Variants in PRPF40B observed in about 807,000 individuals in gnomAD.
PRPF40B encodes pre-mRNA-processing factor 40 homolog B.
PRPF40B carries 56 observed loss-of-function variants against 124.5 expected under a neutral mutation model. The observed-to-expected ratio is 0.45, with a 90% CI of 0.36 to 0.56. The LOEUF (loss-of-function observed/expected upper bound fraction) is 0.56. PRPF40B is among the 20% of genes least tolerant of loss of function. The pLI is 0.00. For missense variants in PRPF40B, 1,053 were observed against 1,169.5 expected (o/e 0.90, Z 1.45); for synonymous variants, 443 against 426.4 (o/e 1.04, Z -0.48).
intron 16 of PRPF40B, 175 bp from the exon 17 acceptor site, chr12:49,637,294 CT>C (rs1274315464): frequency 5.0e-6 from 3 of 604,424 alleles, no homozygotes; most frequent in Non-Finnish European, 8.9e-6. Context: ...TACTTTCTCT[CT>C]TTTTGCATTG....
chr12:49,632,017 T>G lies in PRPF40B; in HGVS notation c.294+92T>G. ...AGGACTATGACCTCCATTCTTTCCC[T>G]CTTCTCATCGCATCCACCCAGGTCC... is the stretch of plus-strand genomic sequence containing the variant. On this transcript the variant is annotated intron_variant, in intron 4 of 25. Transcript: ENST00000548825. 1.4e-5 allele frequency: 18 copies of G among 1,294,148 alleles called. No homozygotes were observed. In the South Asian group the frequency reaches 2.1e-4, roughly 15 times the overall value. 80.2% of individuals were successfully genotyped at this position (1,294,148 alleles called of 1,614,324 possible).
Position 49,643,383 on chromosome 12 carries a change from ATCT to A in PRPF40B, c.2371_2373del (p.Leu791del), listed in dbSNP as rs1022807456. 1 of 1,565,786 alleles carries A rather than the reference ATCT, an allele frequency of 6.4e-7. No homozygotes were observed. The highest frequency in any genetic ancestry group is 1.4e-5 in the African/African-American group (1 of 73,164). ...GGAGGACGGGGCTCCCCTTCCTCCC[ATCT>A]TCTTGGAGCAGGTAAGCAGTTGCTG... On this transcript the variant is annotated inframe_deletion, in exon 23 of 26. Coordinates refer to ENST00000548825, the MANE Select transcript of PRPF40B (RefSeq NM_001031698.3).
intron 12 of PRPF40B, chr12:49,634,810 T>A (rs1334209223): frequency 1.5e-6 from 1 of 647,522 alleles, no homozygotes; most frequent in Non-Finnish European, 2.6e-6. Flanking sequence ...AATAAATGCT[T>A]CCTGAATTGA....
At position 49,644,396 on chromosome 12, in the gene PRPF40B, T is replaced by C. The variant is rs544813345; in HGVS notation, c.*204T>C. 2.3e-5 allele frequency: 14 copies of C among 605,434 alleles called. No individual in the cohort carries two copies. The African/African-American group carries it at 2.4e-4, about 10-fold the overall frequency. 37.5% of individuals were successfully genotyped at this position (605,434 alleles called of 1,614,324 possible). On this transcript the variant is annotated 3_prime_UTR_variant, in exon 26 of 26. Coordinates refer to ENST00000548825, the MANE Select transcript of PRPF40B (RefSeq NM_001031698.3). ...CTACTCCCTGGACTAGTGCAGTCCT[T>C]GCCCTCAGCCCCAGACCAGAGATGG...
chr12:49,632,996 G>GGGGGGGGGCCCCC lies in PRPF40B; in HGVS notation c.349-18_349-17insGGGGGGGGCCCCC. 6 of 1,147,386 alleles carry GGGGGGGGGCCCCC rather than the reference G, an allele frequency of 5.2e-6. No homozygotes were observed. The highest frequency in any genetic ancestry group is 1.7e-5 in the African/African-American group (1 of 57,782). 71.1% of individuals were successfully genotyped at this position (1,147,386 alleles called of 1,614,324 possible). A position where few individuals can be genotyped will look rare whatever the true frequency, so the allele number is the denominator to read the frequency against. ...AAAGGGGCCTTGACCACCATTCTGTGCCCCCCCCCCCACCCAGAGGGCCCT... is the reference window on the plus strand; with the variant it reads ...AAAGGGGCCTTGACCACCATTCTGTGGGGGGGGGCCCCCCCCCCCCCCCCACCCAGAGGGCCCT... On this transcript the variant is annotated splice_polypyrimidine_tract_variant and intron_variant, in intron 6 of 25. Transcript: ENST00000548825.
chr12:49,643,137 GTCC>G, intron 22 of PRPF40B, 83 bp from the exon 23 acceptor site: 6 of 1,589,436 alleles, frequency 3.8e-6, no homozygotes, highest in Non-Finnish European at 5.2e-6. Context: ...TTGGCCCTGG[GTCC>G]TCCTCCTCTC....
intron 16 of PRPF40B, 195 bp downstream of exon 16, chr12:49,637,044 G>A: frequency 2.5e-6 from 2 of 812,800 alleles, no homozygotes; most frequent in Non-Finnish European, 3.8e-6. Flanking sequence ...CTCTTCTAGG[G>A]AGACTAGATG....
chr12:49,634,779 G>A (rs1941591378), intron 12 of PRPF40B, 177 bp downstream of exon 12: 1 of 694,068 alleles, frequency 1.4e-6, no homozygotes, highest in East Asian at 2.7e-5. Flanking sequence ...GGAAAGGAAA[G>A]GTATCTGACA....
At position 49,644,350 on chromosome 12, in the gene PRPF40B, C is replaced by T. The variant is rs1043142248; in HGVS notation, c.*158C>T. ...CCATTGTTGGCACCTCTCAAGGTTG[C>T]TCTTGGTGTTCAAGGGTCCCCTACT... On this transcript the variant is annotated 3_prime_UTR_variant, in exon 26 of 26. Coordinates refer to ENST00000548825, the MANE Select transcript of PRPF40B (RefSeq NM_001031698.3). 16 of 836,580 alleles carry T rather than the reference C, an allele frequency of 1.9e-5. No homozygotes were observed. The African/African-American group carries it at 2.0e-4, about 11-fold the overall frequency. 51.8% of individuals were successfully genotyped at this position (836,580 alleles called of 1,614,324 possible). A position where few individuals can be genotyped will look rare whatever the true frequency, so the allele number is the denominator to read the frequency against.
In PRPF40B at chr12:49,633,581, C is replaced by A. The variant is rs1434480097; in HGVS notation, c.580+34C>A. On this transcript the variant is annotated intron_variant, in intron 8 of 25. Transcript: ENST00000548825. ...TCCTACGGGTGGGCCAGGTCAGGAG[C>A]TCTGGGGGCTCCCTATTGCCCCTGT... is the stretch of plus-strand genomic sequence containing the variant. The A allele has an allele frequency of 1.6e-5, 26 of 1,614,096 alleles. No individual in the cohort carries two copies. The South Asian group carries it at 2.7e-4, about 17-fold the overall frequency.
Position 49,631,863 on chromosome 12 carries a change from C to A in PRPF40B, c.232C>A (p.Pro78Thr). Reference protein sequence around the residue: ...MGAPPPLTQIPGMVPPMMPGM... With the variant: ...MGAPPPLTQITGMVPPMMPGM... ...TCTGTCTTCTTTGTATCCATAGATA[C>A]CAGGAATGGTACCTCCGATGATGCC... Residue 78 changes from proline (P) to threonine (T), a missense_variant, in exon 4 of 26, where the codon CCA becomes ACA. Pro to Thr is a conservative substitution (Grantham distance 38, BLOSUM62 -1). Transcript: ENST00000548825. This position sits in a 1 kb window ranked among gnomAD's most constrained non-coding sequence, Gnocchi z 4.3. 2 of 1,613,996 alleles carry A rather than the reference C, an allele frequency of 1.2e-6. No homozygotes were observed. The highest frequency in any genetic ancestry group is 1.7e-6 in the Non-Finnish European group (2 of 1,179,878).
chr12:49,632,828 A>G, intron 5 of PRPF40B, 27 bp from the exon 6 acceptor site: 1 of 1,613,982 alleles, frequency 6.2e-7, no homozygotes, highest in Non-Finnish European at 8.5e-7. Flanking sequence ...GCAAGGACTT[A>G]GTATGTATCC....
chr12:49,637,056 A>G, intron 16 of PRPF40B: 3 of 742,060 alleles, frequency 4.0e-6, no homozygotes, highest in South Asian at 3.8e-5. Flanking sequence ...GACTAGATGT[A>G]TGCACCACCC....
In PRPF40B at chr12:49,635,007, GCCTGCAGTGTCTCATGA is replaced by G; in HGVS notation, c.1002-89_1002-73del. 1.1e-5 allele frequency: 15 copies of G among 1,329,534 alleles called. No individual in the cohort carries two copies. Among genetic ancestry groups the G allele is most frequent in the Non-Finnish European group, 1.5e-5 (15 of 974,224 alleles). 82.4% of individuals were successfully genotyped at this position (1,329,534 alleles called of 1,614,324 possible). A position where few individuals can be genotyped will look rare whatever the true frequency, so the allele number is the denominator to read the frequency against. On this transcript the variant is annotated intron_variant, in intron 12 of 25. Coordinates refer to ENST00000548825, the MANE Select transcript of PRPF40B (RefSeq NM_001031698.3). This position sits in a 1 kb window ranked among gnomAD's most constrained non-coding sequence, Gnocchi z 4.1. ...CATCTGTGCCCTTGGAGCCCCTGCAGCCTGCAGTGTCTCATGACCCTCCAGTGTGGGCTGTGCAGAGT... is the reference window on the plus strand; with the variant it reads ...CATCTGTGCCCTTGGAGCCCCTGCAGCCCTCCAGTGTGGGCTGTGCAGAGT...
intron 23 of PRPF40B, 71 bp from the exon 24 acceptor site, chr12:49,643,620 A>T (rs1328564180): frequency 1.3e-6 from 2 of 1,513,908 alleles, no homozygotes. Flanking sequence ...GAATGAACAG[A>T]GGGGCTAGAA....
chr12:49,634,588 C>T lies in PRPF40B; in HGVS notation c.987C>T (p.Thr329=), dbSNP rs538842571. ...SWEQAMKMVV[T]DPRYSALPKL... Reference sequence around the variant, plus strand: ...AACAGGCCATGAAGATGGTGGTCACCGACCCCCGTTACAGGTAGGCCTGGG... The same window carrying T: ...AACAGGCCATGAAGATGGTGGTCACTGACCCCCGTTACAGGTAGGCCTGGG... Residue 329 remains threonine, a synonymous_variant, in exon 12 of 26, where the codon ACC becomes ACT. Transcript: ENST00000548825. 43 of 1,614,124 alleles carry T rather than the reference C, an allele frequency of 2.7e-5. No homozygotes were observed. In the South Asian group the frequency reaches 3.8e-4, roughly 14 times the overall value.
At position 49,642,958 on chromosome 12, in the gene PRPF40B, G is replaced by A. The variant is rs768250601; in HGVS notation, c.2147G>A (p.Gly716Asp). ...ETECQHLHTK[G>D]RKHGRKGKKH... ...GAATGCCAGCACCTCCACACCAAAGGCCGAAAGCATGGCAGGAAAGGCAAG... is the reference window on the plus strand; with the variant it reads ...GAATGCCAGCACCTCCACACCAAAGACCGAAAGCATGGCAGGAAAGGCAAG... Residue 716 changes from glycine to aspartate, a missense_variant, in exon 22 of 26, where the codon GGC becomes GAC. This residue lies in a region of PRPF40B where 895 missense variants were observed against 1,052.2 expected (regional missense o/e 0.85). Transcript: ENST00000548825. This position sits in a 1 kb window ranked among gnomAD's most constrained non-coding sequence, Gnocchi z 5.8. 2 of 1,613,662 alleles carry A rather than the reference G, an allele frequency of 1.2e-6. No individual in the cohort carries two copies. Among genetic ancestry groups the A allele is most frequent in the Non-Finnish European group, 1.7e-6 (2 of 1,179,836 alleles).
rs139907314 is a variant in PRPF40B at position 49,629,120 on chromosome 12, G to A, written c.4-1425G>A. ...ATGGGCAATATAGTCATATGGCTGC[G>A]TATTCAAAAGATACAAAAGCCATAC... On this transcript the variant is annotated intron_variant, in intron 1 of 25. Coordinates refer to ENST00000548825, the MANE Select transcript of PRPF40B (RefSeq NM_001031698.3). 5.8e-4 allele frequency among the ~76,000 whole-genome samples: 89 copies of A among 152,252 alleles called. 1 individual carries two copies. The highest frequency in any genetic ancestry group is 3.4e-3 in the Middle Eastern group (1 of 294).
At chr12:49,627,401 C>T (rs768434637) in intron 1 of PRPF40B, among the ~76,000 whole-genome samples, 3 of 152,070 alleles carry the variant, frequency 2.0e-5, no homozygotes, top group Admixed American at 6.6e-5. Context: ...TATATAAAAG[C>T]GGGCTCTGAC....
Sources: gnomAD v4.1 joint callset for allele counts (sites outside exome capture counted in the v4.1 genomes callset) on GRCh38, gnomAD v4.1.1 for gene constraint, gnomAD v4.1.1 regional missense constraint, Gnocchi (gnomAD v3.1) non-coding constraint, MANE v1.5 for transcripts, NCBI Gene and HGNC (gene_info 2026-07-23, HGNC 2026-07-21) for gene names.